The following NKAIN1 variants were observed in gnomAD, a reference collection of about 807,000 sequenced individuals.
NKAIN1 encodes the protein sodium/potassium transporting ATPase interacting 1, also known as sodium/potassium-transporting ATPase subunit beta-1-interacting protein 1.
A neutral mutation model predicts 31.6 loss-of-function variants in NKAIN1; 13 were observed. That is an observed-to-expected ratio of 0.41 (90% confidence interval 0.27 to 0.65). The LOEUF (loss-of-function observed/expected upper bound fraction) is 0.65, where lower values mean the gene tolerates loss of function less well. Among genes scored for constraint, NKAIN1 ranks in the 30% least tolerant of loss-of-function variants. The probability of loss-of-function intolerance (pLI) is 0.30; values close to 1 mark genes in which losing one functional copy is unlikely to be tolerated. For synonymous variants in NKAIN1, 104 were observed against 109.0 expected (o/e 0.95, Z 0.28); for missense variants, 193 against 262.2 (o/e 0.74, Z 1.82).
At position 31,192,927 on chromosome 1, in the gene NKAIN1, A is replaced by AG. The variant is rs201055030; in HGVS notation, c.55-4741dup. On this transcript the variant is annotated intron_variant, in intron 1 of 6. Coordinates refer to ENST00000373736, the MANE Select transcript of NKAIN1 (RefSeq NM_024522.3). Reference sequence around the variant, plus strand: ...ATGCCTGTAATCCCAACACTTTGGGAGGCCAAGGCCAGAGGATGGCTTGAG... The same window carrying AG: ...ATGCCTGTAATCCCAACACTTTGGGAGGGCCAAGGCCAGAGGATGGCTTGAG... Among the ~76,000 whole-genome samples, 606 of 151,380 alleles carry AG rather than the reference A, an allele frequency of 4.0e-3. 36 individuals carry two copies. The East Asian group carries it at 0.1, about 25-fold the overall frequency.
chr1:31,208,019 T>C (rs1645437365), intron 1 of NKAIN1, among the ~76,000 whole-genome samples: 1 of 152,108 alleles, frequency 6.6e-6, no homozygotes, highest in Non-Finnish European at 1.5e-5. Context: ...GGTCCACAGA[T>C]GGCCGCTGGG....
At chr1:31,194,791 A>ATTTT (rs1645311658) in intron 1 of NKAIN1, among the ~76,000 whole-genome samples, 2 of 34,630 alleles carry the variant, frequency 5.8e-5, no homozygotes, top group Non-Finnish European at 1.1e-4. Context: ...TTTTTTTTTG[A>ATTTT]GACAGAGTCC....
At chr1:31,198,905 C>T (rs1645352813) in intron 1 of NKAIN1, among the ~76,000 whole-genome samples, 1 of 152,202 alleles carries the variant, frequency 6.6e-6, no homozygotes, top group Non-Finnish European at 1.5e-5. Context: ...CTGAATAATG[C>T]AGATGGGCCC....
At chr1:31,225,177 G>A (rs1337434775) in intron 1 of NKAIN1, among the ~76,000 whole-genome samples, 4 of 148,324 alleles carry the variant, frequency 2.7e-5, no homozygotes, top group Non-Finnish European at 4.4e-5. Context: ...ACAGGCACCC[G>A]CCACCACACC....
At chr1:31,211,645 A>C (rs1010241384) in intron 1 of NKAIN1, among the ~76,000 whole-genome samples, 2 of 149,682 alleles carry the variant, frequency 1.3e-5, no homozygotes, top group Admixed American at 6.7e-5. Context: ...CTTAAAATTC[A>C]TATGGAAATA....
At chr1:31,230,509 C>T (rs1413504145) in intron 1 of NKAIN1, among the ~76,000 whole-genome samples, 2 of 152,188 alleles carry the variant, frequency 1.3e-5, no homozygotes, top group Admixed American at 6.5e-5. Flanking sequence ...CCACACTTAA[C>T]GGCTCTTCTA....
At chr1:31,238,184 G>C (rs1350168224) in intron 1 of NKAIN1, among the ~76,000 whole-genome samples, 1 of 152,218 alleles carries the variant, frequency 6.6e-6, no homozygotes, top group Non-Finnish European at 1.5e-5. Flanking sequence ...CACTGCCCAG[G>C]CCAGGTCTGT....
At chr1:31,238,274 C>T (rs1353661706) in intron 1 of NKAIN1, among the ~76,000 whole-genome samples, 1 of 152,198 alleles carries the variant, frequency 6.6e-6, no homozygotes, top group African/African-American at 2.4e-5. Flanking sequence ...AGGCTCAAAA[C>T]TTCACTCTAC....
chr1:31,198,057 T>G (rs747703220), intron 1 of NKAIN1, among the ~76,000 whole-genome samples: 36 of 152,132 alleles, frequency 2.4e-4, no homozygotes, highest in Admixed American at 2.6e-4. Context: ...ACACACTATT[T>G]AGTTATGGTC....
intron 1 of NKAIN1, among the ~76,000 whole-genome samples, chr1:31,218,014 C>T (rs4949365): frequency 0.62 from 85,855 of 138,444 alleles, 28,757 homozygotes; most frequent in Middle Eastern, 0.82. Context: ...CAGCAGCTAC[C>T]ATTTTCTTTC....
chr1:31,187,916 C>A, intron 2 of NKAIN1, 134 bp downstream of exon 2: 3 of 931,254 alleles, frequency 3.2e-6, no homozygotes, highest in Non-Finnish European at 3.2e-6. Context: ...ACATTCACCC[C>A]ATCTTGTTTT....
chr1:31,206,849 T>C (rs1645428864), intron 1 of NKAIN1, among the ~76,000 whole-genome samples: 1 of 152,154 alleles, frequency 6.6e-6, no homozygotes, highest in Non-Finnish European at 1.5e-5. Context: ...TCCTCCTACC[T>C]CAGCCTCCTG....
chr1:31,239,104 C>G lies in NKAIN1; in HGVS notation c.54+390G>C, dbSNP rs1465426160. Among the ~76,000 whole-genome samples, 1 of 152,066 alleles carries G rather than the reference C, an allele frequency of 6.6e-6. No individual in the cohort carries two copies. Among genetic ancestry groups the G allele is most frequent in the Admixed American group, 6.6e-5 (1 of 15,260 alleles). On this transcript the variant is annotated intron_variant, in intron 1 of 6. Transcript: ENST00000373736. The surrounding 1 kb of genome is among the most constrained non-coding windows in gnomAD (Gnocchi z 4.8). ...AGAGGAAGGGAGAGACCCATGCAAA[C>G]GAGGGATCTAGAGGGAAACACACAG...
intron 1 of NKAIN1, among the ~76,000 whole-genome samples, chr1:31,188,874 G>GT (rs1344892668): frequency 2.6e-5 from 4 of 152,046 alleles, no homozygotes; most frequent in Admixed American, 6.6e-5. Flanking sequence ...ATTGCCAGGT[G>GT]TGGTGGTGCG....
chr1:31,228,461 C>T (rs1645624112), intron 1 of NKAIN1, among the ~76,000 whole-genome samples: 1 of 152,112 alleles, frequency 6.6e-6, no homozygotes, highest in Non-Finnish European at 1.5e-5. Context: ...ACATGGTGAG[C>T]TCACAGAAAT....
intron 1 of NKAIN1, among the ~76,000 whole-genome samples, chr1:31,232,665 G>A (rs1468630998): frequency 5.3e-5 from 8 of 151,398 alleles, no homozygotes; most frequent in Non-Finnish European, 8.8e-5. Context: ...TACTAGAGAA[G>A]AGTAGTTTGG....
chr1:31,217,067 T>C (rs1228002814), intron 1 of NKAIN1, among the ~76,000 whole-genome samples: 1 of 152,228 alleles, frequency 6.6e-6, no homozygotes, highest in Non-Finnish European at 1.5e-5. Flanking sequence ...GGTTTTACCA[T>C]GTTGGCCAGG....
intron 1 of NKAIN1, among the ~76,000 whole-genome samples, chr1:31,190,084 C>G (rs1335335594): frequency 6.6e-6 from 1 of 152,194 alleles, no homozygotes; most frequent in East Asian, 1.9e-4. Flanking sequence ...CTAACTACAA[C>G]AGAAGAGGAG....
chr1:31,226,925 G>C (rs181394967), intron 1 of NKAIN1, among the ~76,000 whole-genome samples: 31 of 151,548 alleles, frequency 2.0e-4, no homozygotes, highest in African/African-American at 6.1e-4. Flanking sequence ...TCGGGTTCAA[G>C]GTGATTCTGG....
Sources: allele counts gnomAD v4.1 joint callset (sites outside exome capture counted in the v4.1 genomes callset), GRCh38; gene constraint gnomAD v4.1.1; non-coding constraint Gnocchi (gnomAD v3.1); transcripts MANE v1.5; gene names NCBI Gene and HGNC (gene_info 2026-07-23, HGNC 2026-07-21).